The following WDR49 variants were observed in gnomAD, a reference collection of about 807,000 sequenced individuals.
WDR49 encodes the protein WD repeat domain 49.
WDR49 carries 107 observed loss-of-function variants against 119.5 expected under a neutral mutation model. The observed-to-expected ratio is 0.90, with a 90% CI of 0.77 to 1.05. WDR49 has a LOEUF of 1.05. WDR49 is among the 50% of genes least tolerant of loss of function. The pLI is 0.00. For missense variants in WDR49, 1,240 were observed against 1,220.5 expected (o/e 1.02, Z -0.24); for synonymous variants, 425 against 418.8 (o/e 1.01, Z -0.18).
chr3:167,629,473 T>C (rs200967469), intron 2 of WDR49, among the ~76,000 whole-genome samples: 3 of 152,084 alleles, frequency 2.0e-5, no homozygotes, highest in African/African-American at 7.2e-5. Context: ...ATTAATATTG[T>C]TTTTATGCCT....
chr3:167,541,000 G>GA, intron 10 of WDR49, among the ~76,000 whole-genome samples: 1 of 151,650 alleles, frequency 6.6e-6, no homozygotes, highest in Admixed American at 6.6e-5. Flanking sequence ...ATCAGAAAAA[G>GA]AAAAAATAAT....
chr3:167,527,715 T>C (rs993561097), intron 15 of WDR49, 105 bp downstream of exon 15: 1 of 1,184,794 alleles, frequency 8.4e-7, no homozygotes, highest in Non-Finnish European at 1.2e-6. Context: ...AGTTCTTTCA[T>C]GACTAATGAA....
intron 7 of WDR49, among the ~76,000 whole-genome samples, chr3:167,581,469 A>G (rs1376286102): frequency 6.6e-6 from 1 of 152,210 alleles, no homozygotes; most frequent in Non-Finnish European, 1.5e-5. Context: ...TCAATCCATT[A>G]TCTAAATATT....
At chr3:167,539,610 C>T (rs183273310) in intron 10 of WDR49, among the ~76,000 whole-genome samples, 105 of 152,180 alleles carry the variant, frequency 6.9e-4, no homozygotes, top group Admixed American at 3.1e-3. Flanking sequence ...AATCTGTAAC[C>T]GTACAGTAGC....
intron 8 of WDR49, chr3:167,566,730 T>C: frequency 4.5e-6 from 2 of 446,226 alleles, no homozygotes; most frequent in Non-Finnish European, 7.9e-6. Context: ...ACACACATTT[T>C]GTATGTAAGA....
intron 7 of WDR49, among the ~76,000 whole-genome samples, chr3:167,592,952 TG>T (rs1171965815): frequency 6.6e-6 from 1 of 152,218 alleles, no homozygotes; most frequent in Non-Finnish European, 1.5e-5. Context: ...AAGATTTCCC[TG>T]AAAATTTTGC....
At chr3:167,615,351 GT>G (rs934714156) in intron 5 of WDR49, among the ~76,000 whole-genome samples, 24 of 151,168 alleles carry the variant, frequency 1.6e-4, no homozygotes, top group South Asian at 4.2e-4. Flanking sequence ...GCTCAGGCTG[GT>G]CTCAAACTCC....
At chr3:167,569,431 T>C in intron 8 of WDR49, among the ~76,000 whole-genome samples, 1 of 152,220 alleles carries the variant, frequency 6.6e-6, no homozygotes, top group East Asian at 1.9e-4. Flanking sequence ...TATGCATTCA[T>C]TCTATGTATA....
intron 2 of WDR49, among the ~76,000 whole-genome samples, chr3:167,648,885 G>A (rs1718245571): frequency 6.6e-6 from 1 of 152,092 alleles, no homozygotes; most frequent in African/African-American, 2.4e-5. Flanking sequence ...TAATACCTCT[G>A]TCATGTTGCA....
rs780982978 is a variant in WDR49, at chr3:167,653,296, C to A, written c.130G>T (p.Val44Leu). ...GTGLLENQLSVGDFVKIQKAF... is the reference protein window; with the variant it reads ...GTGLLENQLSLGDFVKIQKAF... ...TTCTGTATTTTTACAAAGTCACCCA[C>A]GCTGAGTTGGTTTTCAAGCAGGCCT... The change falls in exon 2 of 19, where the codon GTG (valine) becomes TTG (leucine). Residue 44 changes from valine to leucine, a missense_variant. By Grantham distance (32) the Val-to-Leu change is conservative. Transcript: ENST00000682715. 17 of 1,536,068 alleles carry A rather than the reference C, an allele frequency of 1.1e-5. No individual in the cohort carries two copies. Among genetic ancestry groups the A allele is most frequent in the Non-Finnish European group, 1.5e-5 (17 of 1,146,910 alleles).
chr3:167,642,222 A>T (rs749783563), intron 2 of WDR49, among the ~76,000 whole-genome samples: 1 of 151,958 alleles, frequency 6.6e-6, no homozygotes, highest in Admixed American at 6.6e-5. Flanking sequence ...TTACACAACC[A>T]CACAGTAAGA....
At chr3:167,488,434 T>C (rs1455087911) in intron 18 of WDR49, among the ~76,000 whole-genome samples, 1 of 152,016 alleles carries the variant, frequency 6.6e-6, no homozygotes. Context: ...AAACTACCTA[T>C]TGGGTACTAC....
intron 9 of WDR49, among the ~76,000 whole-genome samples, chr3:167,558,194 G>A (rs937389751): frequency 6.6e-6 from 1 of 152,058 alleles, no homozygotes; most frequent in African/African-American, 2.4e-5. Flanking sequence ...CAGAGAAGGA[G>A]CTGGAAACAG....
intron 4 of WDR49, among the ~76,000 whole-genome samples, chr3:167,621,043 G>A (rs1716844649): frequency 6.6e-6 from 1 of 152,042 alleles, no homozygotes; most frequent in South Asian, 2.1e-4. Context: ...TACAGGCAAT[G>A]AGCACTCGGT....
intron 18 of WDR49, among the ~76,000 whole-genome samples, chr3:167,490,453 G>A: frequency 6.6e-6 from 1 of 152,128 alleles, no homozygotes; most frequent in East Asian, 1.9e-4. Context: ...TGAGCCATGT[G>A]TAGCAATCTC....
chr3:167,562,599 T>C (rs1713332122), intron 8 of WDR49, among the ~76,000 whole-genome samples: 2 of 152,252 alleles, frequency 1.3e-5, no homozygotes, highest in Admixed American at 6.5e-5. Flanking sequence ...TCTGGATCTT[T>C]GAAATAATGT....
chr3:167,557,103 C>A (rs6763372), intron 9 of WDR49, among the ~76,000 whole-genome samples: 48,484 of 151,752 alleles, frequency 0.32, 8,030 homozygotes, highest in African/African-American at 0.4. Flanking sequence ...AGGCTAAGAG[C>A]GGAGAATCAC....
chr3:167,573,391 T>TACACAC (rs57955643), intron 8 of WDR49, among the ~76,000 whole-genome samples: 1,946 of 142,316 alleles, frequency 0.014, 14 homozygotes, highest in Non-Finnish European at 0.016. Flanking sequence ...TTATGTGGAA[T>TACACAC]ACACACACAC....
chr3:167,553,999 A>G (rs1332649727), intron 10 of WDR49, among the ~76,000 whole-genome samples: 1 of 152,092 alleles, frequency 6.6e-6, no homozygotes, highest in African/African-American at 2.4e-5. Flanking sequence ...TTGGACGACT[A>G]CCTATTAGAG....
Sources: allele counts gnomAD v4.1 joint callset (sites outside exome capture counted in the v4.1 genomes callset), GRCh38; gene constraint gnomAD v4.1.1; transcripts MANE v1.5; gene names NCBI Gene and HGNC (gene_info 2026-07-23, HGNC 2026-07-21).